The following ZBTB20 variants were observed in gnomAD, a reference collection of about 807,000 sequenced individuals.
ZBTB20 encodes the protein zinc finger and BTB domain-containing protein 20.
A neutral mutation model predicts 56.9 loss-of-function variants in ZBTB20; 9 were observed. The observed-to-expected ratio is 0.16, with a 90% CI of 0.10 to 0.28. ZBTB20 has a LOEUF of 0.28. Ranked by LOEUF, ZBTB20 falls within the 10% of genes least tolerant of loss-of-function variation. The pLI, the probability that ZBTB20 is intolerant of heterozygous loss-of-function variation, is 1.00. For synonymous variants in ZBTB20, 417 were observed against 420.7 expected, an observed-to-expected ratio of 0.99 and a Z score of 0.11; for missense variants, 655 against 1,003.0, an observed-to-expected ratio of 0.65 and a Z score of 4.69.
At chr3:114,389,502 T>A (rs970059476) in intron 7 of ZBTB20, among the ~76,000 whole-genome samples, 16 of 152,050 alleles carry the variant, frequency 1.1e-4, no homozygotes, top group African/African-American at 3.9e-4. Flanking sequence ...TTTATTTATT[T>A]TTTATTCACA....
intron 3 of ZBTB20, among the ~76,000 whole-genome samples, chr3:114,903,068 G>A (rs1369184901): frequency 6.6e-6 from 1 of 152,104 alleles, no homozygotes; most frequent in African/African-American, 2.4e-5. Context: ...AAGGTAAGAA[G>A]CTATTTGTGT....
chr3:115,120,054 T>A (rs1443275020), intron 1 of ZBTB20, among the ~76,000 whole-genome samples: 1 of 152,070 alleles, frequency 6.6e-6, no homozygotes, highest in African/African-American at 2.4e-5. Context: ...GGTGGACAGA[T>A]AATTTTTAAG....
At chr3:115,042,693 A>G (rs1274682965) in intron 2 of ZBTB20, among the ~76,000 whole-genome samples, 1 of 152,238 alleles carries the variant, frequency 6.6e-6, no homozygotes, top group African/African-American at 2.4e-5. Flanking sequence ...CTCATACAAA[A>G]TGCATTTCAG....
intron 6 of ZBTB20, among the ~76,000 whole-genome samples, chr3:114,657,201 C>T (rs1211595808): frequency 1.3e-5 from 2 of 152,134 alleles, no homozygotes; most frequent in African/African-American, 2.4e-5. Context: ...AATTACTAGT[C>T]GACCACTTTG....
chr3:114,455,057 G>T (rs1054356568), intron 7 of ZBTB20, among the ~76,000 whole-genome samples: 1 of 145,884 alleles, frequency 6.9e-6, no homozygotes, highest in East Asian at 2.0e-4. Flanking sequence ...AGAGAGAGGG[G>T]GGGGAGAGAG....
At chr3:114,779,114 T>C (rs1371572847) in intron 5 of ZBTB20, among the ~76,000 whole-genome samples, 2 of 152,216 alleles carry the variant, frequency 1.3e-5, no homozygotes, top group South Asian at 2.1e-4. Flanking sequence ...TGAGTTCCAC[T>C]ATCTGGGGTG....
intron 3 of ZBTB20, among the ~76,000 whole-genome samples, chr3:114,902,624 T>C (rs574280781): frequency 6.6e-6 from 1 of 152,328 alleles, no homozygotes; most frequent in East Asian, 1.9e-4. Flanking sequence ...TTTAAGTTTT[T>C]TCCTTATGTG....
intron 1 of ZBTB20, among the ~76,000 whole-genome samples, chr3:115,124,108 A>G (rs994201038): frequency 6.6e-6 from 1 of 152,230 alleles, no homozygotes; most frequent in Non-Finnish European, 1.5e-5. Flanking sequence ...TTAAAGAGCT[A>G]AAAATGGTAT....
chr3:114,445,522 G>T (rs978980959), intron 7 of ZBTB20: 2 of 152,170 alleles, frequency 1.3e-5, no homozygotes, highest in African/African-American at 4.8e-5. Context: ...TCAGTGCAAT[G>T]AAATTGTGTG....
At chr3:115,105,935 AG>A (rs567749912) in intron 1 of ZBTB20, among the ~76,000 whole-genome samples, 3 of 152,032 alleles carry the variant, frequency 2.0e-5, no homozygotes, top group Admixed American at 6.6e-5. Context: ...CTCCTGCCTC[AG>A]CCTCCTGACT....
rs1045759452 is a variant in ZBTB20, at chr3:114,461,304, C to T, written c.-255+39048G>A. 1.2e-4 allele frequency among the ~76,000 whole-genome samples: 18 copies of T among 151,486 alleles called. No homozygotes were observed. The South Asian group carries it at 2.7e-3, about 23-fold the overall frequency. On this transcript the variant is annotated intron_variant, in intron 7 of 11. Coordinates refer to ENST00000675478, the MANE Select transcript of ZBTB20 (RefSeq NM_001348800.3). ...CAAACAAAACAATCTCCTCCCCCCC[C>T]CCTCTTTTTTTTTGAGACAGGGTCT...
intron 4 of ZBTB20, among the ~76,000 whole-genome samples, chr3:114,813,797 C>G (rs548641507): frequency 6.6e-6 from 1 of 152,168 alleles, no homozygotes; most frequent in East Asian, 1.9e-4. Context: ...GTAATATAAT[C>G]TAGATAATCT....
chr3:115,111,953 G>A (rs1003307680), intron 1 of ZBTB20, among the ~76,000 whole-genome samples: 1 of 152,086 alleles, frequency 6.6e-6, no homozygotes, highest in African/African-American at 2.4e-5. Context: ...GTAATATGTA[G>A]TTTTACCACT....
intron 6 of ZBTB20, among the ~76,000 whole-genome samples, chr3:114,630,905 T>A (rs1477135563): frequency 6.6e-6 from 1 of 152,202 alleles, no homozygotes; most frequent in Non-Finnish European, 1.5e-5. Context: ...CATTAGAGAT[T>A]ATAATCCAGT....
At chr3:114,633,892 T>C (rs1011262748) in intron 6 of ZBTB20, among the ~76,000 whole-genome samples, 1 of 152,172 alleles carries the variant, frequency 6.6e-6, no homozygotes, top group African/African-American at 2.4e-5. Flanking sequence ...CCCTTATTTA[T>C]AAATGACATG....
intron 1 of ZBTB20, among the ~76,000 whole-genome samples, chr3:115,085,066 ATAT>A (rs2082936026): frequency 6.6e-6 from 1 of 152,012 alleles, no homozygotes; most frequent in Non-Finnish European, 1.5e-5. Context: ...CCAAAAAAAG[ATAT>A]TCATCCAGAT....
intron 1 of ZBTB20, among the ~76,000 whole-genome samples, chr3:115,083,666 C>T (rs915551982): frequency 3.3e-5 from 5 of 151,960 alleles, no homozygotes; most frequent in South Asian, 4.1e-4. Context: ...AATTATAGCT[C>T]ATGCTATAAT....
chr3:114,930,926 TAA>T (rs112781252), intron 3 of ZBTB20: 2,559 of 195,456 alleles, frequency 0.013, 27 homozygotes, highest in African/African-American at 0.029. Flanking sequence ...CAGCTGACCT[TAA>T]CCATCATTGA....
intron 6 of ZBTB20, among the ~76,000 whole-genome samples, chr3:114,658,017 C>G (rs537090210): frequency 1.3e-5 from 2 of 152,206 alleles, no homozygotes; most frequent in Admixed American, 6.5e-5. Context: ...CTTCCTCTCT[C>G]AATATTCAGT....
Sources: gnomAD v4.1 joint callset for allele counts (sites outside exome capture counted in the v4.1 genomes callset) on GRCh38, gnomAD v4.1.1 for gene constraint, MANE v1.5 for transcripts, NCBI Gene and HGNC (gene_info 2026-07-23, HGNC 2026-07-21) for gene names.